AGMO: variants seen among roughly 807,000 people sequenced by gnomAD.
The protein encoded by AGMO is glyceryl-ether monooxygenase.
In AGMO, 75 loss-of-function variants were observed where a neutral mutation model predicts 60.2. The ratio of observed to expected loss-of-function variants is 1.25; its 90% CI spans 1.03 to 1.51. The LOEUF is 1.51. Ranked by LOEUF, AGMO falls within the 40% of genes most tolerant of loss-of-function variation. The probability of loss-of-function intolerance (pLI) is 0.00; values close to 1 mark genes in which losing one functional copy is unlikely to be tolerated. For synonymous variants in AGMO, 261 were observed against 177.1 expected, an observed-to-expected ratio of 1.47 and a Z score of -3.76; for missense variants, 763 against 525.5, an observed-to-expected ratio of 1.45 and a Z score of -4.42.
At chr7:15,271,256 G>A (rs566043114) in intron 12 of AGMO, among the ~76,000 whole-genome samples, 1 of 152,182 alleles carries the variant, frequency 6.6e-6, no homozygotes, top group South Asian at 2.1e-4. Context: ...GATGGCTATG[G>A]GCAGTATGGT....
intron 5 of AGMO, among the ~76,000 whole-genome samples, chr7:15,397,153 C>T (rs2128488373): frequency 6.6e-6 from 1 of 152,254 alleles, no homozygotes; most frequent in South Asian, 2.1e-4. Flanking sequence ...GGAGCTCTCC[C>T]AGACAACCAA....
chr7:15,515,052 C>T (rs376510425), intron 3 of AGMO, among the ~76,000 whole-genome samples: 6 of 152,304 alleles, frequency 3.9e-5, no homozygotes, highest in South Asian at 2.1e-4. Flanking sequence ...CACCAATTGT[C>T]TGTTTAGGCA....
In AGMO at chr7:15,380,377, G is replaced by A. The variant is rs75592858; in HGVS notation, c.1074+5069C>T. On this transcript the variant is annotated intron_variant, in intron 10 of 12. Coordinates refer to ENST00000342526, the MANE Select transcript of AGMO (RefSeq NM_001004320.2). ...TCTATACACCAATGACAGTCAAACT[G>A]AGAGCAAAATTAGGAATGAACTCCC... Among the ~76,000 whole-genome samples the A allele has an allele frequency of 3.8e-3, 583 of 152,128 alleles. 3 individuals carry two copies. The highest frequency in any genetic ancestry group is 0.013 in the African/African-American group (546 of 41,504).
At chr7:15,121,550 A>G in the AGMO span, among the ~76,000 whole-genome samples, 7 of 152,130 alleles carry the variant, frequency 4.6e-5, no homozygotes, top group African/African-American at 1.7e-4. Flanking sequence ...TATGGTTTTG[A>G]TTTGCATTTC....
intron 3 of AGMO, among the ~76,000 whole-genome samples, chr7:15,517,703 C>T (rs10255042): frequency 0.82 from 124,666 of 152,000 alleles, 51,444 homozygotes; most frequent in East Asian, 0.97. Flanking sequence ...GCCTACACTA[C>T]CAGGGAACTG....
chr7:15,333,599 AT>A (rs1195099853), intron 12 of AGMO, among the ~76,000 whole-genome samples: 3 of 147,736 alleles, frequency 2.0e-5, no homozygotes, highest in African/African-American at 7.6e-5. Context: ...GAACTACTGA[AT>A]TTAAAAAAAA....
At chr7:15,413,335 C>T (rs1780668313) in intron 5 of AGMO, among the ~76,000 whole-genome samples, 1 of 152,116 alleles carries the variant, frequency 6.6e-6, no homozygotes, top group African/African-American at 2.4e-5. Flanking sequence ...CATTTCTGAT[C>T]TCTAAGGTAG....
chr7:15,317,600 C>G (rs1170706199), intron 12 of AGMO, among the ~76,000 whole-genome samples: 2 of 151,976 alleles, frequency 1.3e-5, no homozygotes, highest in Non-Finnish European at 2.9e-5. Flanking sequence ...CCCTTATGAT[C>G]TTGACTGGAG....
chr7:15,342,594 A>C (rs1327458097), intron 12 of AGMO, among the ~76,000 whole-genome samples: 4 of 152,116 alleles, frequency 2.6e-5, no homozygotes, highest in Non-Finnish European at 5.9e-5. Flanking sequence ...TCCTCAATAA[A>C]AATGTTCAGA....
Position 15,238,958 on chromosome 7 carries a change from A to G in AGMO, c.1264-37599T>C, listed in dbSNP as rs976250994. ...TGCATATGTAAACTTTTTATTGCAC[A>G]TAATGACTTTTTGAAGTATTATCCG... On this transcript the variant is annotated intron_variant, in intron 12 of 12. Transcript: ENST00000342526. 3.3e-5 allele frequency among the ~76,000 whole-genome samples: 5 copies of G among 152,294 alleles called. No individual in the cohort carries two copies. In the South Asian group the frequency reaches 8.3e-4, roughly 25 times the overall value.
At chr7:15,487,111 T>A (rs1782944955) in intron 3 of AGMO, among the ~76,000 whole-genome samples, 1 of 152,200 alleles carries the variant, frequency 6.6e-6, no homozygotes, top group Non-Finnish European at 1.5e-5. Context: ...TCTATTATGT[T>A]TAAAATAATG....
At chr7:15,208,943 A>G (rs907635350) in intron 12 of AGMO, among the ~76,000 whole-genome samples, 2 of 152,240 alleles carry the variant, frequency 1.3e-5, no homozygotes, top group African/African-American at 4.8e-5. Context: ...CTAAATTCAA[A>G]GTACTACACT....
intron 3 of AGMO, among the ~76,000 whole-genome samples, chr7:15,453,158 C>T (rs1407809434): frequency 6.6e-6 from 1 of 152,112 alleles, no homozygotes; most frequent in East Asian, 1.9e-4. Context: ...GAGATGGTGG[C>T]ACAACCTGTG....
chr7:15,283,726 T>C (rs1390425680), intron 12 of AGMO, among the ~76,000 whole-genome samples: 2 of 151,980 alleles, frequency 1.3e-5, no homozygotes, highest in Admixed American at 6.6e-5. Context: ...CTAGAACAAC[T>C]GGACCTAAGA....
intron 2 of AGMO, among the ~76,000 whole-genome samples, chr7:15,546,795 A>G (rs1400585060): frequency 6.6e-6 from 1 of 152,226 alleles, no homozygotes; most frequent in Non-Finnish European, 1.5e-5. Context: ...AACAAATTCT[A>G]CTGTAAATCT....
chr7:15,139,648 T>G, the AGMO span, among the ~76,000 whole-genome samples: 4 of 151,880 alleles, frequency 2.6e-5, no homozygotes, highest in Admixed American at 2.6e-4. Context: ...TGGCCAGGTA[T>G]TAGAGTTGTT....
intron 3 of AGMO, among the ~76,000 whole-genome samples, chr7:15,462,732 C>G (rs769159347): frequency 6.6e-6 from 1 of 151,854 alleles, no homozygotes; most frequent in Non-Finnish European, 1.5e-5. Context: ...GCTAAAATGC[C>G]CTATATGAAA....
chr7:15,205,011 C>T (rs562161809), intron 12 of AGMO, among the ~76,000 whole-genome samples: 1 of 152,140 alleles, frequency 6.6e-6, no homozygotes, highest in Admixed American at 6.5e-5. Context: ...TTTTGAGAGG[C>T]CTTATTCAAA....
intron 12 of AGMO, among the ~76,000 whole-genome samples, chr7:15,283,004 A>T (rs1053833918): frequency 1.3e-5 from 2 of 152,168 alleles, no homozygotes; most frequent in African/African-American, 4.8e-5. Context: ...TTCAAAAATG[A>T]AAGAGAAACA....
Sources: allele counts gnomAD v4.1 joint callset (sites outside exome capture counted in the v4.1 genomes callset), GRCh38; gene constraint gnomAD v4.1.1; transcripts MANE v1.5; gene names NCBI Gene and HGNC (gene_info 2026-07-23, HGNC 2026-07-21).